The following PI4K2B variants were observed in gnomAD, a reference collection of about 807,000 sequenced individuals.
PI4K2B encodes the protein phosphatidylinositol 4-kinase type 2-beta.
Under a neutral mutation model 56.6 loss-of-function variants are expected in PI4K2B, and 46 were observed. The observed-to-expected ratio is 0.81, with a 90% CI of 0.64 to 1.04. The LOEUF (loss-of-function observed/expected upper bound fraction) is 1.04, where lower values mean the gene tolerates loss of function less well. PI4K2B is among the 50% of genes least tolerant of loss of function. The pLI is 0.00. For missense variants in PI4K2B, 556 were observed against 607.7 expected, an observed-to-expected ratio of 0.91 and a Z score of 0.89; for synonymous variants, 211 against 223.8, an observed-to-expected ratio of 0.94 and a Z score of 0.51.
chr4:25,254,932 C>T (rs1716199284), intron 2 of PI4K2B, 133 bp from the exon 3 acceptor site: 1 of 629,388 alleles, frequency 1.6e-6, no homozygotes. Flanking sequence ...TTTATAAATC[C>T]TCTTAATAGT....
At chr4:25,239,495 C>T (rs1220394798) in intron 1 of PI4K2B, among the ~76,000 whole-genome samples, 8 of 60,028 alleles carry the variant, frequency 1.3e-4, no homozygotes, top group African/African-American at 2.2e-4. Flanking sequence ...CTTCACTGCC[C>T]GGGGCCGGTG....
intron 9 of PI4K2B, among the ~76,000 whole-genome samples, chr4:25,275,645 C>A (rs1326335732): frequency 6.6e-6 from 1 of 151,712 alleles, no homozygotes; most frequent in Admixed American, 6.6e-5. Context: ...GGTGACAGAG[C>A]AAGACCCTGT....
chr4:25,263,584 G>C (rs1427200304), intron 6 of PI4K2B, among the ~76,000 whole-genome samples, 166 bp from the exon 7 acceptor site: 1 of 151,908 alleles, frequency 6.6e-6, no homozygotes, highest in East Asian at 1.9e-4. Context: ...TTTTCAGACA[G>C]TCTCTTCCAT....
chr4:25,268,354 C>T (rs547608161), intron 7 of PI4K2B, 89 bp from the exon 8 acceptor site: 790 of 1,064,470 alleles, frequency 7.4e-4, no homozygotes, highest in Middle Eastern at 1.1e-3. Flanking sequence ...TTGGGGAGAA[C>T]CTAGGAGTTG....
At chr4:25,235,647 G>A (rs1271897636) in intron 1 of PI4K2B, among the ~76,000 whole-genome samples, 4 of 152,190 alleles carry the variant, frequency 2.6e-5, no homozygotes, top group South Asian at 2.1e-4. Flanking sequence ...GATCACAAAC[G>A]GGTCTGCATT....
At chr4:25,257,074 T>C (rs1716288316) in intron 4 of PI4K2B, among the ~76,000 whole-genome samples, 3 of 151,026 alleles carry the variant, frequency 2.0e-5, no homozygotes, top group South Asian at 4.2e-4. Flanking sequence ...TTCTTTTTTT[T>C]TGATAGAGGG....
intron 5 of PI4K2B, among the ~76,000 whole-genome samples, chr4:25,259,600 A>C (rs1486327165): frequency 6.6e-6 from 1 of 152,182 alleles, no homozygotes; most frequent in Non-Finnish European, 1.5e-5. Context: ...AATGACGTAG[A>C]CCAGGGATGT....
chr4:25,235,220 G>A (rs1375961008), intron 1 of PI4K2B, among the ~76,000 whole-genome samples: 1 of 152,188 alleles, frequency 6.6e-6, no homozygotes, highest in Non-Finnish European at 1.5e-5. Flanking sequence ...TCAGCTAGAG[G>A]TGAGACAGAC....
chr4:25,255,312 G>C (rs756782390), intron 3 of PI4K2B, 47 bp downstream of exon 3: 11 of 1,436,342 alleles, frequency 7.7e-6, no homozygotes, highest in Non-Finnish European at 1.1e-5. Context: ...TTTACAACCT[G>C]CTTATATCTG....
intron 1 of PI4K2B, 111 bp downstream of exon 1, chr4:25,234,542 C>G: frequency 1.3e-6 from 1 of 760,438 alleles, no homozygotes; most frequent in Non-Finnish European, 1.8e-6. Flanking sequence ...GCTTTCCCCG[C>G]TCGCTGGGCA....
At chr4:25,265,700 T>C (rs1307098334) in intron 7 of PI4K2B, among the ~76,000 whole-genome samples, 1 of 152,240 alleles carries the variant, frequency 6.6e-6, no homozygotes, top group Non-Finnish European at 1.5e-5. Flanking sequence ...ATTGTTATTT[T>C]CCAGCATTAT....
chr4:25,252,345 A>C lies in PI4K2B; in HGVS notation c.293A>C (p.Asn98Thr). The C allele has an allele frequency of 6.2e-7, 1 of 1,610,706 alleles. No homozygotes were observed. Among genetic ancestry groups the C allele is most frequent in the Non-Finnish European group, 8.5e-7 (1 of 1,176,998 alleles). The change falls in exon 2 of 10, where the codon AAT becomes ACT. Residue 98 changes from asparagine to threonine, a missense_variant. Asn to Thr is a moderately conservative substitution (Grantham distance 65). Transcript: ENST00000264864. ...GTAACTATTGGTACTTCAGAGATGAATGCATTCTTGGATGACCCAGAATTT... is the reference window on the plus strand; with the variant it reads ...GTAACTATTGGTACTTCAGAGATGACTGCATTCTTGGATGACCCAGAATTT... ...VSVTIGTSEM[N>T]AFLDDPEFAD... is the part of the protein sequence containing the mutation.
chr4:25,234,956 GT>G (rs1486766944), intron 1 of PI4K2B, among the ~76,000 whole-genome samples: 1 of 152,070 alleles, frequency 6.6e-6, no homozygotes, highest in Admixed American at 6.6e-5. Flanking sequence ...TTGAAAGTCT[GT>G]TCCTGCCCTC....
rs771361865 is a variant in PI4K2B at position 25,234,138 on chromosome 4, C to T, written c.-26C>T. ...GCACCTGGCTGCTCTGATCTGGTCT[C>T]AGCGCGGAGGGAGCAGAGGGAGTCC... is the stretch of plus-strand genomic sequence containing the variant. On this transcript the variant is annotated 5_prime_UTR_variant, in exon 1 of 10. Transcript: ENST00000264864. 2.3e-6 allele frequency: 3 copies of T among 1,316,334 alleles called. No individual in the cohort carries two copies. Among genetic ancestry groups the T allele is most frequent in the Non-Finnish European group, 1.9e-6 (2 of 1,029,544 alleles). The allele number at this position is 1,316,334 out of a possible 1,614,324, so 81.5% of individuals were successfully genotyped here. A position where few individuals can be genotyped will look rare whatever the true frequency, so the allele number is the denominator to read the frequency against.
intron 1 of PI4K2B, 89 bp from the exon 2 acceptor site, chr4:25,252,232 G>A (rs1304411410): frequency 4.8e-6 from 4 of 830,202 alleles, no homozygotes; most frequent in Non-Finnish European, 7.5e-6. Context: ...ACATTTTTCT[G>A]TACCTTATAT....
intron 1 of PI4K2B, among the ~76,000 whole-genome samples, chr4:25,240,203 T>G (rs924776706): frequency 2.6e-5 from 4 of 152,228 alleles, no homozygotes; most frequent in Admixed American, 2.6e-4. Context: ...AGCCTTTTCC[T>G]GTAAACACCA....
At position 25,234,161 on chromosome 4, in the gene PI4K2B, T is replaced by C; in HGVS notation, c.-3T>C. On this transcript the variant is annotated 5_prime_UTR_variant, in exon 1 of 10. Coordinates refer to ENST00000264864, the MANE Select transcript of PI4K2B (RefSeq NM_018323.4). ...CTCAGCGCGGAGGGAGCAGAGGGAG[T>C]CCATGGAGGATCCCTCCGAGCCCGA... 3.7e-6 allele frequency: 5 copies of C among 1,367,708 alleles called. No individual in the cohort carries two copies. The highest frequency in any genetic ancestry group is 4.7e-6 in the Non-Finnish European group (5 of 1,058,214). The allele number at this position is 1,367,708 out of a possible 1,614,324, so 84.7% of individuals were successfully genotyped here. A position where few individuals can be genotyped will look rare whatever the true frequency, so the allele number is the denominator to read the frequency against.
rs1717210495 is a variant in PI4K2B at position 25,279,094 on chromosome 4, GTTC to G, written c.*1912_*1914del. 6.6e-6 allele frequency: 1 copy of G among 150,846 alleles called. No homozygotes were observed. The highest frequency in any genetic ancestry group is 2.1e-4 in the South Asian group (1 of 4,780). The allele number at this position is 150,846 out of a possible 1,614,324, so 9.3% of individuals were successfully genotyped here. On this transcript the variant is annotated 3_prime_UTR_variant, in exon 10 of 10. Coordinates refer to ENST00000264864, the MANE Select transcript of PI4K2B (RefSeq NM_018323.4). ...ATAAAAATCATTGTCTTAAGATTAT[GTTC>G]TTCTGTATGTACGTGTTTGGAATAT...
rs1349840707 is a variant in PI4K2B at position 25,278,558 on chromosome 4, G to GA, written c.*1372dup. The GA allele has an allele frequency of 6.6e-6, 1 of 152,542 alleles. No individual in the cohort carries two copies. The highest frequency in any genetic ancestry group is 2.4e-5 in the African/African-American group (1 of 41,422). 9.4% of individuals were successfully genotyped at this position (152,542 alleles called of 1,614,324 possible). A position where few individuals can be genotyped will look rare whatever the true frequency, so the allele number is the denominator to read the frequency against. On this transcript the variant is annotated 3_prime_UTR_variant, in exon 10 of 10. Transcript: ENST00000264864. ...TATCTTCCTTTTGGTCTTCATGGAC[G>GA]AGATGAATGAGGATTCTGCTGCCCT...
Sources: allele counts gnomAD v4.1 joint callset (sites outside exome capture counted in the v4.1 genomes callset), GRCh38; gene constraint gnomAD v4.1.1; transcripts MANE v1.5; gene names NCBI Gene and HGNC (gene_info 2026-07-23, HGNC 2026-07-21).